WSB2: variants seen among roughly 807,000 people sequenced by gnomAD.
The protein encoded by WSB2 is WD repeat and SOCS box-containing protein 2.
A neutral mutation model predicts 48.8 loss-of-function variants in WSB2; 12 were observed. The observed-to-expected ratio is 0.25, with a 90% CI of 0.16 to 0.40. The LOEUF (loss-of-function observed/expected upper bound fraction) is 0.40, where lower values mean the gene tolerates loss of function less well. Among genes scored for constraint, WSB2 ranks in the 10% least tolerant of loss-of-function variants. The pLI, the probability that WSB2 is intolerant of heterozygous loss-of-function variation, is 1.00. For missense variants in WSB2, 317 were observed against 506.2 expected (o/e 0.63, Z 3.59); for synonymous variants, 191 against 203.1 (o/e 0.94, Z 0.51).
At chr12:118,052,512 C>G in intron 1 of WSB2, 34 bp from the exon 2 acceptor site, 10 of 1,610,902 alleles carry the variant, frequency 6.2e-6, no homozygotes, top group Non-Finnish European at 7.6e-6. Context: ...CAAACACACA[C>G]CCCCTTGCTC....
intron 2 of WSB2, among the ~76,000 whole-genome samples, chr12:118,050,098 G>A (rs1338520776): frequency 1.3e-5 from 2 of 152,100 alleles, no homozygotes; most frequent in Non-Finnish European, 2.9e-5. Context: ...TACTCAGGAG[G>A]CTGAGGCAGG....
intron 1 of WSB2, among the ~76,000 whole-genome samples, chr12:118,057,526 C>T (rs1219552248): frequency 8.5e-5 from 13 of 152,114 alleles, no homozygotes; most frequent in Admixed American, 7.2e-4. Flanking sequence ...CTGCCCACCT[C>T]GGCCTCCCAA....
chr12:118,035,395 G>C, intron 6 of WSB2, 71 bp from the exon 7 acceptor site: 1 of 1,415,754 alleles, frequency 7.1e-7, no homozygotes, highest in Non-Finnish European at 9.9e-7. Context: ...ATCACCCTAG[G>C]CAGGAAGCCA....
intron 1 of WSB2, 140 bp from the exon 2 acceptor site, chr12:118,052,618 C>T (rs927372756): frequency 6.8e-5 from 88 of 1,297,208 alleles, no homozygotes; most frequent in Non-Finnish European, 8.6e-5. Context: ...TGACCCAGGG[C>T]AATAACAGCA....
At chr12:118,034,816 A>G in intron 8 of WSB2, 170 bp downstream of exon 8, 1 of 634,688 alleles carries the variant, frequency 1.6e-6, no homozygotes, top group Non-Finnish European at 2.7e-6. Flanking sequence ...ATTCAGAGAA[A>G]ATGGGACACC....
Position 118,035,240 on chromosome 12 carries a change from C to T in WSB2, c.918G>A (p.Leu306=). 2 of 1,614,202 alleles carry T rather than the reference C, an allele frequency of 1.2e-6. No individual in the cohort carries two copies. Among genetic ancestry groups the T allele is most frequent in the Non-Finnish European group, 1.7e-6 (2 of 1,180,038 alleles). Residue 306 remains leucine (L), a synonymous_variant, in exon 7 of 9, where the codon TTG becomes TTA. Coordinates refer to ENST00000315436, the MANE Select transcript of WSB2 (RefSeq NM_018639.5). ...LRSVCFSPEG[L]YLATVADDRL... ...TGTCATCTGCCACCGTGGCAAGGTA[C>T]AAGCCTTCTGGAGAGAAGCACACAG...
chr12:118,039,677 T>A (rs1398387721), intron 4 of WSB2, among the ~76,000 whole-genome samples: 1 of 152,116 alleles, frequency 6.6e-6, no homozygotes, highest in Non-Finnish European at 1.5e-5. Context: ...CTGTACATGG[T>A]CATATATATG....
intron 4 of WSB2, 135 bp downstream of exon 4, chr12:118,042,706 T>C: frequency 1.4e-6 from 2 of 1,444,162 alleles, no homozygotes; most frequent in South Asian, 1.4e-5. Flanking sequence ...AAAAACTGTC[T>C]AAAAGGCTCC....
At chr12:118,051,201 G>A (rs7485548) in intron 2 of WSB2, among the ~76,000 whole-genome samples, 19,861 of 152,166 alleles carry the variant, frequency 0.13, 1,602 homozygotes, top group Non-Finnish European at 0.17. Flanking sequence ...CAATAACAAC[G>A]GCTGGATGTA....
intron 8 of WSB2, 149 bp from the exon 9 acceptor site, chr12:118,034,507 TGTG>T: frequency 1.0e-6 from 1 of 993,898 alleles, no homozygotes; most frequent in Middle Eastern, 2.6e-4. Flanking sequence ...GATGTAAAAT[TGTG>T]GTGCTGAATA....
At chr12:118,050,423 A>G (rs1393591851) in intron 2 of WSB2, among the ~76,000 whole-genome samples, 2 of 151,860 alleles carry the variant, frequency 1.3e-5, no homozygotes, top group South Asian at 2.1e-4. Flanking sequence ...CTGAGGCGGG[A>G]GGATTTCTTG....
At chr12:118,042,712 G>C in intron 4 of WSB2, 129 bp downstream of exon 4, 2 of 1,455,084 alleles carry the variant, frequency 1.4e-6, no homozygotes, top group African/African-American at 1.4e-5. Flanking sequence ...TGTCTAAAAG[G>C]CTCCTTAAGG....
In WSB2 at chr12:118,032,754, G is replaced by GC. The variant is rs1408741292; in HGVS notation, c.*1441dup. 1 of 151,864 alleles carries GC rather than the reference G, an allele frequency of 6.6e-6. No homozygotes were observed. The highest frequency in any genetic ancestry group is 1.5e-5 in the Non-Finnish European group (1 of 68,040). 9.4% of individuals were successfully genotyped at this position (151,864 alleles called of 1,614,324 possible). A position where few individuals can be genotyped will look rare whatever the true frequency, so the allele number is the denominator to read the frequency against. On this transcript the variant is annotated 3_prime_UTR_variant, in exon 9 of 9. Coordinates refer to ENST00000315436, the MANE Select transcript of WSB2 (RefSeq NM_018639.5). ...GGTCTTATCTCACTCTGTTGCCCAG[G>GC]CTGATCTTGAACTCCTGGGCTCAAG...
intron 1 of WSB2, among the ~76,000 whole-genome samples, chr12:118,056,204 T>C (rs1368835291): frequency 1.3e-5 from 2 of 152,130 alleles, no homozygotes. Context: ...CCTGGGCTTG[T>C]ACTTCTCTCC....
upstream of WSB2, chr12:118,061,244 G>T (rs1161551365): frequency 2.1e-6 from 2 of 956,658 alleles, no homozygotes; most frequent in Non-Finnish European, 2.5e-6. Context: ...AAACGGAGGG[G>T]GGGTGCGGAC....
upstream of WSB2, chr12:118,062,050 TAAA>T: frequency 6.6e-7 from 1 of 1,518,122 alleles, no homozygotes; most frequent in Non-Finnish European, 8.8e-7. Context: ...GGGAACGAGA[TAAA>T]AAACGGGGCA....
In WSB2 at chr12:118,059,221, CA is replaced by C. The variant is rs2032018431; in HGVS notation, c.13+1814del. On this transcript the variant is annotated intron_variant, in intron 1 of 8. Transcript: ENST00000315436. ...ACTTAGCACAAAAAAAAATCTAAAA[CA>C]TTACATTACAATTTATTTGATTACA... is the stretch of plus-strand genomic sequence containing the variant. 4.1e-5 allele frequency among the ~76,000 whole-genome samples: 3 copies of C among 73,486 alleles called. No homozygotes were observed. The South Asian group carries it at 2.2e-3, about 54-fold the overall frequency. 48.2% of individuals were successfully genotyped at this position (73,486 alleles called of 152,430 possible).
intron 5 of WSB2, among the ~76,000 whole-genome samples, chr12:118,037,655 C>T (rs370512271): frequency 1.6e-4 from 23 of 145,180 alleles, no homozygotes; most frequent in South Asian, 6.5e-4. Context: ...GCAACAACAG[C>T]GAAACTCTGT....
intron 1 of WSB2, among the ~76,000 whole-genome samples, chr12:118,058,347 T>C (rs1014475170): frequency 2.0e-5 from 3 of 151,990 alleles, no homozygotes; most frequent in African/African-American, 7.2e-5. Context: ...ACTTTCCTTT[T>C]TTATTTTTTA....
Sources: gnomAD v4.1 joint callset for allele counts (sites outside exome capture counted in the v4.1 genomes callset) on GRCh38, gnomAD v4.1.1 for gene constraint, MANE v1.5 for transcripts, NCBI Gene and HGNC (gene_info 2026-07-23, HGNC 2026-07-21) for gene names.